The following PRKAA1 variants were observed in gnomAD, a reference collection of about 807,000 sequenced individuals.
PRKAA1 encodes protein kinase AMP-activated catalytic subunit alpha 1.
A neutral mutation model predicts 56.9 loss-of-function variants in PRKAA1; 23 were observed. The observed-to-expected ratio is 0.40, with a 90% CI of 0.29 to 0.57. The LOEUF (loss-of-function observed/expected upper bound fraction) is 0.57, where lower values mean the gene tolerates loss of function less well. Ranked by LOEUF, PRKAA1 falls within the 20% of genes least tolerant of loss-of-function variation. The pLI, the probability that PRKAA1 is intolerant of heterozygous loss-of-function variation, is 0.39. For missense variants in PRKAA1, 413 were observed against 679.7 expected (o/e 0.61, Z 4.36); for synonymous variants, 226 against 227.0 (o/e 1.00, Z 0.04).
At position 40,761,314 on chromosome 5, in the gene PRKAA1, T is replaced by C. The variant is rs1579704223; in HGVS notation, c.*1464A>G. 6.6e-6 allele frequency: 1 copy of C among 152,260 alleles called. No homozygotes were observed. The highest frequency in any genetic ancestry group is 1.9e-4 in the East Asian group (1 of 5,184). The allele number at this position is 152,260 out of a possible 1,614,324, so 9.4% of individuals were successfully genotyped here. ...TGGGGAATTATTACTTTTACAATGG[T>C]ATTACGGATTTTTAGGAGAATGTCA... On this transcript the variant is annotated 3_prime_UTR_variant, in exon 9 of 9. Coordinates refer to ENST00000397128, the MANE Select transcript of PRKAA1 (RefSeq NM_006251.6).
intron 1 of PRKAA1, among the ~76,000 whole-genome samples, chr5:40,788,218 A>T (rs1443856077): frequency 6.6e-6 from 1 of 152,198 alleles, no homozygotes; most frequent in Non-Finnish European, 1.5e-5. Flanking sequence ...ATAAATGCAT[A>T]TATCTATAAT....
In PRKAA1 at chr5:40,762,989, G is replaced by C. The variant is rs1743262717; in HGVS notation, c.1469C>G (p.Thr490Ser). The C allele has an allele frequency of 2.5e-6, 4 of 1,613,976 alleles. No homozygotes were observed. The highest frequency in any genetic ancestry group is 3.4e-6 in the Non-Finnish European group (4 of 1,179,938). Residue 490 changes from threonine to serine, a missense_variant, in exon 9 of 9, where the codon ACT becomes AGT. By Grantham distance (58) the Thr-to-Ser change is moderately conservative. Around this residue, in one of 9 missense-constraint regions of PRKAA1, gnomAD observed 139 missense variants for 171.5 expected, o/e 0.81. Coordinates refer to ENST00000397128, the MANE Select transcript of PRKAA1 (RefSeq NM_006251.6). ...GCTAACTGATCCCGATCTCTGTGGA[G>C]TAGCAGTCCCTGATTTGGCTTCTGT... ...EITEAKSGTA[T>S]PQRSGSVSNY...
At chr5:40,778,821 C>T (rs1408298331) in intron 1 of PRKAA1, among the ~76,000 whole-genome samples, 6 of 109,070 alleles carry the variant, frequency 5.5e-5, no homozygotes, top group African/African-American at 1.8e-4. Flanking sequence ...GGGTGTCACT[C>T]TATCACCCAG....
intron 1 of PRKAA1, among the ~76,000 whole-genome samples, chr5:40,793,005 T>C (rs1413387730): frequency 6.7e-6 from 1 of 149,332 alleles, no homozygotes; most frequent in Non-Finnish European, 1.5e-5. Context: ...AGGTGGAAGT[T>C]GCAGTGAGCT....
chr5:40,767,010 C>T (rs1270774042), intron 6 of PRKAA1, among the ~76,000 whole-genome samples: 1 of 151,792 alleles, frequency 6.6e-6, no homozygotes, highest in African/African-American at 2.4e-5. Context: ...AGAGCAAAAC[C>T]TTGTCTCAAA....
chr5:40,788,521 T>A (rs1744587593), intron 1 of PRKAA1, among the ~76,000 whole-genome samples: 1 of 152,048 alleles, frequency 6.6e-6, no homozygotes, highest in African/African-American at 2.4e-5. Flanking sequence ...TGGGATGACA[T>A]CAAACTAAAA....
intron 1 of PRKAA1, among the ~76,000 whole-genome samples, chr5:40,782,595 TAAGAA>T (rs1336642148): frequency 1.3e-5 from 2 of 152,090 alleles, no homozygotes; most frequent in Non-Finnish European, 2.9e-5. Flanking sequence ...TTCAGAGTGA[TAAGAA>T]AATATAGGAG....
intron 1 of PRKAA1, among the ~76,000 whole-genome samples, chr5:40,783,537 C>A (rs184839174): frequency 1.5e-3 from 234 of 152,128 alleles, no homozygotes; most frequent in African/African-American, 5.5e-3. Context: ...GTGGGTGGAT[C>A]ACAAGGTCAG....
intron 3 of PRKAA1, among the ~76,000 whole-genome samples, chr5:40,774,327 A>C (rs1743887970): frequency 6.6e-6 from 1 of 152,242 alleles, no homozygotes; most frequent in Non-Finnish European, 1.5e-5. Flanking sequence ...CCATCCTCAG[A>C]CTAGGTTATT....
chr5:40,797,982 G>A lies in PRKAA1; in HGVS notation c.127+81C>T, dbSNP rs1357658237. 4 of 1,558,032 alleles carry A rather than the reference G, an allele frequency of 2.6e-6. 1 individual carries two copies. Among genetic ancestry groups the A allele is most frequent in the Admixed American group, 1.7e-5 (1 of 57,614 alleles). ...CCTGGAAAGAAGGGACGCAGCGGGCGGGGGAGGATGAAGAGGTGCGGAAAG... is the reference window on the plus strand; with the variant it reads ...CCTGGAAAGAAGGGACGCAGCGGGCAGGGGAGGATGAAGAGGTGCGGAAAG... On this transcript the variant is annotated intron_variant, in intron 1 of 8. Transcript: ENST00000397128.
intron 8 of PRKAA1, 117 bp downstream of exon 8, chr5:40,764,397 T>G: frequency 1.0e-6 from 1 of 985,526 alleles, no homozygotes; most frequent in Non-Finnish European, 1.4e-6. Flanking sequence ...ATCACATTTT[T>G]TATTCCTTTG....
At chr5:40,784,019 C>T (rs976738995) in intron 1 of PRKAA1, among the ~76,000 whole-genome samples, 1 of 152,154 alleles carries the variant, frequency 6.6e-6, no homozygotes, top group African/African-American at 2.4e-5. Context: ...AAGAATACCA[C>T]ATACTCCATA....
rs1226818845 is a variant in PRKAA1, at chr5:40,775,494, G to A, written c.279C>T (p.Val93=). The change falls in exon 3 of 9, where the codon GTC becomes GTT. Residue 93 remains valine, a synonymous_variant. Coordinates refer to ENST00000397128, the MANE Select transcript of PRKAA1 (RefSeq NM_006251.6). The part of the protein sequence containing the change: ...RHPHIIKLYQ[V]ISTPSDIFMV... ...TGAAAATATCAGATGGTGTACTGAT[G>A]ACCTGGTACCTGGTGAGAGAAAACA... 6.3e-7 allele frequency: 1 copy of A among 1,595,494 alleles called. No individual in the cohort carries two copies. The highest frequency in any genetic ancestry group is 1.7e-5 in the Admixed American group (1 of 59,934).
rs531695115 is a variant in PRKAA1, at chr5:40,775,944, G to A, written c.270-441C>T. On this transcript the variant is annotated intron_variant, in intron 2 of 8. Transcript: ENST00000397128. ...ATATTAGAGAGAAATAGGATGTAGA[G>A]TCAAAGGTGTTAACTGCAGGCCAGA... Among the ~76,000 whole-genome samples the A allele has an allele frequency of 8.5e-5, 13 of 152,296 alleles. No homozygotes were observed. The South Asian group carries it at 2.7e-3, about 32-fold the overall frequency.
intron 5 of PRKAA1, chr5:40,768,930 T>C: frequency 6.5e-7 from 1 of 1,533,286 alleles, no homozygotes; most frequent in Non-Finnish European, 8.9e-7. Flanking sequence ...CTTATAATAT[T>C]GCAGTCTCTA....
In PRKAA1 at chr5:40,764,506, G is replaced by A; in HGVS notation, c.1435+8C>T. ...TCTAATCTATGTTGTTTTGTGTGAT[G>A]TACATACCATCAATACTACGGAAAT... On this transcript the variant is annotated splice_region_variant and intron_variant, in intron 8 of 8. Transcript: ENST00000397128. 2 of 1,609,020 alleles carry A rather than the reference G, an allele frequency of 1.2e-6. No homozygotes were observed. Among genetic ancestry groups the A allele is most frequent in the Non-Finnish European group, 1.7e-6 (2 of 1,177,826 alleles).
chr5:40,779,043 C>T (rs1325791762), intron 1 of PRKAA1, among the ~76,000 whole-genome samples: 3 of 151,886 alleles, frequency 2.0e-5, no homozygotes, highest in Non-Finnish European at 4.4e-5. Flanking sequence ...AAGCAATCCA[C>T]CAGCCTCAAC....
intron 1 of PRKAA1, among the ~76,000 whole-genome samples, chr5:40,781,231 G>A (rs1357781979): frequency 1.3e-5 from 2 of 152,092 alleles, no homozygotes; most frequent in African/African-American, 2.4e-5. Flanking sequence ...TGATCTTTCA[G>A]TATTTCAACA....
At chr5:40,770,888 G>A (rs920779718) in intron 4 of PRKAA1, among the ~76,000 whole-genome samples, 3 of 152,002 alleles carry the variant, frequency 2.0e-5, no homozygotes, top group East Asian at 3.9e-4. Context: ...ACCACGCCCA[G>A]CCAAAATAAA....
Sources: gnomAD v4.1 joint callset for allele counts (sites outside exome capture counted in the v4.1 genomes callset) on GRCh38, gnomAD v4.1.1 for gene constraint, gnomAD v4.1.1 regional missense constraint, MANE v1.5 for transcripts, NCBI Gene and HGNC (gene_info 2026-07-23, HGNC 2026-07-21) for gene names.